RBFOX1: variants seen among roughly 807,000 people sequenced by gnomAD.
RBFOX1 encodes the protein RNA binding fox-1 homolog 1, also known as RNA binding protein fox-1 homolog 1.
A neutral mutation model predicts 57.7 loss-of-function variants in RBFOX1; 8 were observed. That is an observed-to-expected ratio of 0.14 (90% CI 0.08 to 0.25). The LOEUF is 0.25. RBFOX1 is among the 10% of genes least tolerant of loss of function. The pLI, the probability that RBFOX1 is intolerant of heterozygous loss-of-function variation, is 1.00. For missense variants in RBFOX1, 611 were observed against 548.5 expected, an observed-to-expected ratio of 1.11 and a Z score of -1.14; for synonymous variants, 326 against 222.4, an observed-to-expected ratio of 1.47 and a Z score of -4.15.
chr16:7,365,566 A>G (rs762561278), intron 4 of RBFOX1, among the ~76,000 whole-genome samples: 1 of 152,336 alleles, frequency 6.6e-6, no homozygotes, highest in East Asian at 1.9e-4. Context: ...TGCTGCTGAC[A>G]TCTACGGGAT....
At chr16:6,417,435 A>G (rs1447216378) in intron 2 of RBFOX1, among the ~76,000 whole-genome samples, 2 of 117,430 alleles carry the variant, frequency 1.7e-5, no homozygotes, top group Non-Finnish European at 3.4e-5. Flanking sequence ...TTTTTTTGAG[A>G]CTGGAGTGCA....
chr16:6,358,568 C>A (rs1419677287), intron 2 of RBFOX1, among the ~76,000 whole-genome samples: 1 of 152,152 alleles, frequency 6.6e-6, no homozygotes, highest in Non-Finnish European at 1.5e-5. Flanking sequence ...ATTTATTGAG[C>A]AATTACTATG....
intron 4 of RBFOX1, among the ~76,000 whole-genome samples, chr16:7,188,536 T>C (rs1033105051): frequency 3.3e-5 from 5 of 152,176 alleles, no homozygotes; most frequent in Admixed American, 3.3e-4. Flanking sequence ...GTCTGCACCT[T>C]TTCTCCCCAT....
At chr16:7,170,739 T>G (rs2080526963) in intron 4 of RBFOX1, among the ~76,000 whole-genome samples, 4 of 152,114 alleles carry the variant, frequency 2.6e-5, no homozygotes, top group Admixed American at 1.3e-4. Context: ...CCATACACCT[T>G]GGTTGAATGA....
At chr16:6,455,815 C>T (rs2094757582) in intron 2 of RBFOX1, among the ~76,000 whole-genome samples, 1 of 151,978 alleles carries the variant, frequency 6.6e-6, no homozygotes. Flanking sequence ...TTTTAGATGG[C>T]TTATAATAAA....
At chr16:6,402,359 C>A (rs556008691) in intron 2 of RBFOX1, among the ~76,000 whole-genome samples, 1 of 152,090 alleles carries the variant, frequency 6.6e-6, no homozygotes, top group African/African-American at 2.4e-5. Context: ...AGAAAATAAA[C>A]GTGGATATTT....
chr16:6,685,775 A>G (rs957657234), intron 3 of RBFOX1, among the ~76,000 whole-genome samples: 2 of 152,052 alleles, frequency 1.3e-5, no homozygotes, highest in Non-Finnish European at 2.9e-5. Context: ...CCCTCCAAGC[A>G]CCTGAAATTT....
At chr16:6,013,427 T>A (rs2094973675) in intron 4 of RBFOX1, among the ~76,000 whole-genome samples, 1 of 152,204 alleles carries the variant, frequency 6.6e-6, no homozygotes. Flanking sequence ...CCTCCCTTTG[T>A]ATTTTTTTAC....
intron 2 of RBFOX1, among the ~76,000 whole-genome samples, chr16:6,588,388 C>T (rs2097661209): frequency 6.6e-6 from 1 of 152,040 alleles, no homozygotes; most frequent in African/African-American, 2.4e-5. Flanking sequence ...TGCGATGGCT[C>T]ACGCCTGTAA....
intron 4 of RBFOX1, among the ~76,000 whole-genome samples, chr16:6,004,586 T>C (rs1258645016): frequency 1.3e-5 from 2 of 152,208 alleles, no homozygotes; most frequent in African/African-American, 2.4e-5. Context: ...CTGCAGCTTC[T>C]TATATGCTAT....
At position 5,454,775 on chromosome 16, in the gene RBFOX1, T is replaced by TTC. The variant is rs1162266336; in HGVS notation, c.220-12439_220-12438dup. 2.2e-3 allele frequency among the ~76,000 whole-genome samples: 76 copies of TTC among 34,548 alleles called. 1 individual carries two copies. The highest frequency in any genetic ancestry group is 8.8e-3 in the South Asian group (14 of 1,584). The allele number at this position is 34,548 out of a possible 152,430, so 22.7% of individuals were successfully genotyped here. On this transcript the variant is annotated intron_variant, in intron 1 of 2. Transcript: ENST00000585867. Reference sequence around the variant, plus strand: ...TTTTCTTTTCTTTCTTTCTCTTTCTTTCTTTCTTTCTTTCTCTTTCTTTCT... The same window carrying TTC: ...TTTTCTTTTCTTTCTTTCTCTTTCTTTCTCTTTCTTTCTTTCTCTTTCTTTCT...
chr16:7,304,132 G>C (rs1268865462), intron 4 of RBFOX1: 1 of 840,288 alleles, frequency 1.2e-6, no homozygotes, highest in Admixed American at 6.2e-5. Context: ...ATCCCCAGGC[G>C]GGGAGAGCCA....
chr16:6,901,791 G>A (rs1458377184), intron 3 of RBFOX1, among the ~76,000 whole-genome samples: 1 of 152,154 alleles, frequency 6.6e-6, no homozygotes. Flanking sequence ...GGATTGAGAA[G>A]GAAGAGACAT....
chr16:7,277,250 A>G (rs887244920), intron 4 of RBFOX1, among the ~76,000 whole-genome samples: 1 of 152,168 alleles, frequency 6.6e-6, no homozygotes, highest in African/African-American at 2.4e-5. Context: ...GTTATTATCA[A>G]AGATGAGGAT....
chr16:6,528,601 C>T (rs149627952), intron 2 of RBFOX1, among the ~76,000 whole-genome samples: 5 of 152,142 alleles, frequency 3.3e-5, no homozygotes, highest in Admixed American at 1.3e-4. Flanking sequence ...AGGATAGATA[C>T]GATTTTAAAA....
chr16:7,328,717 C>G (rs1355051267), intron 4 of RBFOX1: 1 of 150,642 alleles, frequency 6.6e-6, no homozygotes, highest in African/African-American at 2.4e-5. Flanking sequence ...AAATCTCTGG[C>G]ACAGGGAAAA....
rs201825498 is a variant in RBFOX1, at chr16:6,957,288, C to T, written c.-15-94769C>T. Among the ~76,000 whole-genome samples, 15 of 151,728 alleles carry T rather than the reference C, an allele frequency of 9.9e-5. No individual in the cohort carries two copies. The East Asian group carries it at 1.4e-3, about 14-fold the overall frequency. ...CTGGGACTACAGGTGCCCACCACTG[C>T]GCCAGGCTAATTTTTTGTATTTTTA... On this transcript the variant is annotated intron_variant, in intron 3 of 15. Coordinates refer to ENST00000550418, the MANE Select transcript of RBFOX1 (RefSeq NM_018723.4).
chr16:5,363,817 T>C (rs2065623710), intron 1 of RBFOX1, among the ~76,000 whole-genome samples: 1 of 152,174 alleles, frequency 6.6e-6, no homozygotes, highest in Admixed American at 6.5e-5. Flanking sequence ...CTCCCTGGGG[T>C]TCCCAGCATC....
intron 2 of RBFOX1, among the ~76,000 whole-genome samples, chr16:6,381,850 C>T (rs891804001): frequency 2.6e-5 from 4 of 152,196 alleles, no homozygotes; most frequent in Non-Finnish European, 4.4e-5. Context: ...AGTTTCTGCA[C>T]GGGCTGTTTA....
Sources: gnomAD v4.1 joint callset for allele counts (sites outside exome capture counted in the v4.1 genomes callset) on GRCh38, gnomAD v4.1.1 for gene constraint, MANE v1.5 for transcripts, NCBI Gene and HGNC (gene_info 2026-07-23, HGNC 2026-07-21) for gene names.